The following SSBP2 variants were observed in gnomAD, a reference collection of about 807,000 sequenced individuals.
SSBP2 encodes the protein single-stranded DNA-binding protein 2.
In SSBP2, 17 loss-of-function variants were observed where a neutral mutation model predicts 61.8. The ratio of observed to expected loss-of-function variants is 0.28; its 90% CI spans 0.19 to 0.41. The LOEUF (loss-of-function observed/expected upper bound fraction) is 0.41, where lower values mean the gene tolerates loss of function less well. SSBP2 is among the 10% of genes least tolerant of loss of function. The probability of loss-of-function intolerance (pLI) is 1.00; values close to 1 mark genes in which losing one functional copy is unlikely to be tolerated. For missense variants in SSBP2, 310 were observed against 458.7 expected (o/e 0.68, Z 2.96); for synonymous variants, 139 against 141.3 (o/e 0.98, Z 0.12).
chr5:81,750,923 C>T, intron 1 of SSBP2, 58 bp downstream of exon 1: 2 of 1,525,214 alleles, frequency 1.3e-6, no homozygotes, highest in South Asian at 1.2e-5. Flanking sequence ...TGTGCGAGTG[C>T]GTGCGTGAGT....
At chr5:81,731,979 A>C (rs1401497993) in intron 1 of SSBP2, among the ~76,000 whole-genome samples, 1 of 152,082 alleles carries the variant, frequency 6.6e-6, no homozygotes, top group Non-Finnish European at 1.5e-5. Flanking sequence ...TCAAGGCCTT[A>C]AAATGGGCTT....
intron 16 of SSBP2, among the ~76,000 whole-genome samples, chr5:81,426,045 T>C (rs1413565762): frequency 2.6e-5 from 4 of 152,250 alleles, no homozygotes; most frequent in Non-Finnish European, 5.9e-5. Context: ...CATGTTCATT[T>C]ATTGAACAAT....
intron 1 of SSBP2, among the ~76,000 whole-genome samples, chr5:81,703,154 T>C (rs536459042): frequency 6.6e-6 from 1 of 152,354 alleles, no homozygotes; most frequent in African/African-American, 2.4e-5. Context: ...CCTATTAAAT[T>C]ATAAAAACCT....
At chr5:81,582,600 T>C (rs1774742296) in intron 4 of SSBP2, among the ~76,000 whole-genome samples, 1 of 152,168 alleles carries the variant, frequency 6.6e-6, no homozygotes, top group African/African-American at 2.4e-5. Flanking sequence ...TCTTCTTTTA[T>C]TTTTTCTTTT....
At chr5:81,676,214 G>A (rs2153802717) in intron 1 of SSBP2, among the ~76,000 whole-genome samples, 1 of 152,158 alleles carries the variant, frequency 6.6e-6, no homozygotes, top group East Asian at 1.9e-4. Context: ...TAAGTATTTT[G>A]AATTTTATAG....
intron 4 of SSBP2, among the ~76,000 whole-genome samples, chr5:81,566,341 G>A (rs878884337): frequency 1.9e-4 from 29 of 152,274 alleles, no homozygotes; most frequent in African/African-American, 7.0e-4. Context: ...ACTGAATCAT[G>A]GGGGCAGTTT....
At chr5:81,458,239 A>C (rs183037134) in intron 10 of SSBP2, among the ~76,000 whole-genome samples, 1 of 152,234 alleles carries the variant, frequency 6.6e-6, no homozygotes, top group Admixed American at 6.5e-5. Context: ...TTATTGAGCC[A>C]ATTAGTGAAA....
At chr5:81,432,225 G>A (rs1314812498) in intron 15 of SSBP2, among the ~76,000 whole-genome samples, 1 of 152,004 alleles carries the variant, frequency 6.6e-6, no homozygotes, top group African/African-American at 2.4e-5. Flanking sequence ...TGATGGTGTA[G>A]ATCTCTAGTC....
chr5:81,644,649 A>C (rs1382973277), intron 2 of SSBP2, among the ~76,000 whole-genome samples: 1 of 152,226 alleles, frequency 6.6e-6, no homozygotes, highest in African/African-American at 2.4e-5. Context: ...TTCATACAAA[A>C]GAGCAATGAG....
chr5:81,587,384 C>T (rs1775136132), intron 4 of SSBP2, among the ~76,000 whole-genome samples: 2 of 151,982 alleles, frequency 1.3e-5, no homozygotes, highest in South Asian at 4.2e-4. Context: ...AACAACTAAG[C>T]CAAATTTAGA....
chr5:81,525,187 A>T (rs1769823287), intron 4 of SSBP2, among the ~76,000 whole-genome samples: 2 of 151,994 alleles, frequency 1.3e-5, no homozygotes, highest in African/African-American at 4.8e-5. Flanking sequence ...ACATTTTTTT[A>T]AAAAACTTTT....
Position 81,636,620 on chromosome 5 carries a change from TA to T in SSBP2, c.136-3del. 6.2e-7 allele frequency: 1 copy of T among 1,605,578 alleles called. No individual in the cohort carries two copies. The highest frequency in any genetic ancestry group is 8.5e-7 in the Non-Finnish European group (1 of 1,173,690). On this transcript the variant is annotated splice_polypyrimidine_tract_variant and splice_region_variant and intron_variant, in intron 2 of 16. Transcript: ENST00000320672. The stretch of plus-strand genomic sequence containing the variant: ...TGTGATGTTTTTTTCCCATCTTATC[TA>T]AAATGAATAAAAGAGATATTACTTT...
At chr5:81,729,522 A>G (rs1420424598) in intron 1 of SSBP2, among the ~76,000 whole-genome samples, 1 of 152,200 alleles carries the variant, frequency 6.6e-6, no homozygotes, top group South Asian at 2.1e-4. Flanking sequence ...ATGAATGTCA[A>G]TTAAACAGCA....
intron 5 of SSBP2, among the ~76,000 whole-genome samples, chr5:81,505,368 TAA>T (rs1170776822): frequency 6.6e-6 from 1 of 152,212 alleles, no homozygotes; most frequent in Non-Finnish European, 1.5e-5. Context: ...TACCTTGTAA[TAA>T]GTTATTCTTT....
intron 4 of SSBP2, among the ~76,000 whole-genome samples, chr5:81,520,565 G>GT (rs1769398550): frequency 6.6e-6 from 1 of 151,908 alleles, no homozygotes; most frequent in Non-Finnish European, 1.5e-5. Context: ...TTTTTAATTT[G>GT]TTTTTTCTAG....
chr5:81,446,805 T>A lies in SSBP2; in HGVS notation c.778+63A>T, dbSNP rs910791652. 2.7e-5 allele frequency: 40 copies of A among 1,503,668 alleles called. No individual in the cohort carries two copies. In the Admixed American group the frequency reaches 7.8e-4, roughly 29 times the overall value. The allele number at this position is 1,503,668 out of a possible 1,614,324, so 93.1% of individuals were successfully genotyped here. A position where few individuals can be genotyped will look rare whatever the true frequency, so the allele number is the denominator to read the frequency against. On this transcript the variant is annotated intron_variant, in intron 12 of 16. Transcript: ENST00000320672. ...CTACTAACTTTATTTCATGAACAAT[T>A]TCTATATTCTGTGATTTTATTCTAA...
rs74920154 is a variant in SSBP2, at chr5:81,610,080, G to A, written c.282+5393C>T. On this transcript the variant is annotated intron_variant, in intron 4 of 16. Coordinates refer to ENST00000320672, the MANE Select transcript of SSBP2 (RefSeq NM_012446.5). ...AGAACTCAAGAACCGCCAAATGCAG[G>A]TATAAGCTATAACACAGTCGGGCTG... Among the ~76,000 whole-genome samples the A allele has an allele frequency of 8.8e-3, 1,344 of 152,224 alleles. 12 individuals are homozygous for A. The highest frequency in any genetic ancestry group is 0.02 in the Middle Eastern group (6 of 294).
At chr5:81,524,052 T>C (rs543313189) in intron 4 of SSBP2, among the ~76,000 whole-genome samples, 4 of 152,070 alleles carry the variant, frequency 2.6e-5, no homozygotes, top group Non-Finnish European at 5.9e-5. Context: ...TTTGAGAGTC[T>C]AGGTACAGTT....
intron 1 of SSBP2, among the ~76,000 whole-genome samples, chr5:81,739,959 G>A (rs909621354): frequency 3.3e-5 from 5 of 152,080 alleles, no homozygotes; most frequent in African/African-American, 1.2e-4. Flanking sequence ...TACTTGCTAT[G>A]TTATCTTGTC....
Sources: gnomAD v4.1 joint callset for allele counts (sites outside exome capture counted in the v4.1 genomes callset) on GRCh38, gnomAD v4.1.1 for gene constraint, MANE v1.5 for transcripts, NCBI Gene and HGNC (gene_info 2026-07-23, HGNC 2026-07-21) for gene names.